PPP2R3C: variants seen among roughly 807,000 people sequenced by gnomAD.
PPP2R3C encodes protein phosphatase 2 regulatory subunit B''gamma.
In PPP2R3C, 47 loss-of-function variants were observed where a neutral mutation model predicts 63.7. That is an observed-to-expected ratio of 0.74 (90% CI 0.58 to 0.94). The LOEUF is 0.94. Among genes scored for constraint, PPP2R3C ranks in the 40% least tolerant of loss-of-function variants. The pLI is 0.00. For synonymous variants in PPP2R3C, 180 were observed against 177.4 expected, an observed-to-expected ratio of 1.01 and a Z score of -0.12; for missense variants, 421 against 518.4, an observed-to-expected ratio of 0.81 and a Z score of 1.82.
At chr14:35,116,508 G>T in intron 2 of PPP2R3C, 102 bp downstream of exon 2, 2 of 878,690 alleles carry the variant, frequency 2.3e-6, no homozygotes, top group Non-Finnish European at 3.2e-6. Flanking sequence ...TCCCGCCTCA[G>T]CCTCCCAAAG....
Position 35,085,721 on chromosome 14 carries a change from A to G in PPP2R3C, c.1231T>C (p.Leu411=). ...GTGTCTCCTTGATTACTGTTGATTAAATCCTGAAGAGAGATTTTCAAAGGA... is the reference window on the plus strand; with the variant it reads ...GTGTCTCCTTGATTACTGTTGATTAGATCCTGAAGAGAGATTTTCAAAGGA... ...KDPLKISLQD[L]INSNQGDTVT... is the part of the protein sequence containing the mutation. The change falls in exon 13 of 13, where the codon TTA becomes CTA. Residue 411 remains leucine, a synonymous_variant. Transcript: ENST00000261475. 1.2e-6 allele frequency: 2 copies of G among 1,612,484 alleles called. No homozygotes were observed. Among genetic ancestry groups the G allele is most frequent in the Non-Finnish European group, 1.7e-6 (2 of 1,178,688 alleles).
At chr14:35,098,647 C>G (rs1314429857) in intron 7 of PPP2R3C, 1 of 152,222 alleles carries the variant, frequency 6.6e-6, no homozygotes, top group Admixed American at 6.6e-5. Flanking sequence ...CTGTGCCAGG[C>G]CCATAGCTGA....
At chr14:35,090,966 C>G in intron 11 of PPP2R3C, 104 bp downstream of exon 11, 1 of 1,065,624 alleles carries the variant, frequency 9.4e-7, no homozygotes, top group Non-Finnish European at 1.3e-6. Flanking sequence ...CCACCTGCCT[C>G]GGCCTCCCAA....
Position 35,109,905 on chromosome 14 carries a change from G to T in PPP2R3C, c.318C>A (p.His106Gln). Residue 106 changes from histidine to glutamine, a missense_variant, in exon 4 of 13, where the codon CAC becomes CAA. His to Gln is a conservative substitution (Grantham distance 24). This residue lies in a region of PPP2R3C where 143 missense variants were observed against 151.2 expected (regional missense o/e 0.95). Coordinates refer to ENST00000261475, the MANE Select transcript of PPP2R3C (RefSeq NM_017917.4). ...CCTCTCCAATCATAGGTGGTGTCTG[G>T]TGTTTGTCCAGCAAAAACCATAAGT... ...LQNLWFLLDK[H>Q]QTPPMIGEEA... The T allele has an allele frequency of 1.9e-6, 3 of 1,608,828 alleles. No individual in the cohort carries two copies. The highest frequency in any genetic ancestry group is 2.5e-6 in the Non-Finnish European group (3 of 1,176,650).
chr14:35,089,815 G>C (rs541436979), intron 11 of PPP2R3C, among the ~76,000 whole-genome samples: 2 of 150,500 alleles, frequency 1.3e-5, no homozygotes, highest in Non-Finnish European at 2.9e-5. Flanking sequence ...ATAGGCGCCC[G>C]CCACCACGCC....
Position 35,085,603 on chromosome 14 carries a change from A to G in PPP2R3C, c.1349T>C (p.Leu450Pro). The change falls in exon 13 of 13, where the codon CTT becomes CCT. Residue 450 changes from leucine (L) to proline (P), a missense_variant. Transcript: ENST00000261475. The part of the protein sequence containing the change: ...VANDSENSAD[L>P]DDT ...GTCTTTCAGAGATCATGTATCATCA[A>G]GGTCTGCAGAGTTTTCACTGTCATT... 1.2e-6 allele frequency: 2 copies of G among 1,607,102 alleles called. No individual in the cohort carries two copies. Among genetic ancestry groups the G allele is most frequent in the South Asian group, 1.1e-5 (1 of 89,502 alleles).
At position 35,095,851 on chromosome 14, in the gene PPP2R3C, C is replaced by CAAA. The variant is rs59775301; in HGVS notation, c.839-670_839-668dup. On this transcript the variant is annotated intron_variant, in intron 9 of 12. Coordinates refer to ENST00000261475, the MANE Select transcript of PPP2R3C (RefSeq NM_017917.4). ...AGGTAACAGTGCAAGACTCTATCTCCAAAAAAAAAAAAAAAAAAAAAAGCC... is the reference window on the plus strand; with the variant it reads ...AGGTAACAGTGCAAGACTCTATCTCCAAAAAAAAAAAAAAAAAAAAAAAAAGCC... Among the ~76,000 whole-genome samples the CAAA allele has an allele frequency of 6.9e-3, 280 of 40,726 alleles. 1 individual carries two copies. The highest frequency in any genetic ancestry group is 0.016 in the Middle Eastern group (1 of 64). The allele number at this position is 40,726 out of a possible 152,430, so 26.7% of individuals were successfully genotyped here. A position where few individuals can be genotyped will look rare whatever the true frequency, so the allele number is the denominator to read the frequency against.
At position 35,085,595 on chromosome 14, in the gene PPP2R3C, TATC is replaced by T. The variant is rs1243235861; in HGVS notation, c.1354_1356del (p.Asp452del). On this transcript the variant is annotated inframe_deletion, in exon 13 of 13. Coordinates refer to ENST00000261475, the MANE Select transcript of PPP2R3C (RefSeq NM_017917.4). Reference sequence around the variant, plus strand: ...ACAGTCTAGTCTTTCAGAGATCATGTATCATCAAGGTCTGCAGAGTTTTCACTG... The same window carrying T: ...ACAGTCTAGTCTTTCAGAGATCATGTATCAAGGTCTGCAGAGTTTTCACTG... 6 of 1,603,790 alleles carry T rather than the reference TATC, an allele frequency of 3.7e-6. No homozygotes were observed. Among genetic ancestry groups the T allele is most frequent in the Non-Finnish European group, 3.4e-6 (4 of 1,176,148 alleles).
At chr14:35,096,837 T>C in intron 7 of PPP2R3C, 73 bp from the exon 8 acceptor site, 1 of 1,360,216 alleles carries the variant, frequency 7.4e-7, no homozygotes, top group Non-Finnish European at 9.9e-7. Flanking sequence ...AAAAAAAATT[T>C]TTTTAACAAG....
chr14:35,115,853 C>G (rs2046695427), intron 2 of PPP2R3C, among the ~76,000 whole-genome samples: 1 of 152,160 alleles, frequency 6.6e-6, no homozygotes, highest in African/African-American at 2.4e-5. Flanking sequence ...AACTCCTGAC[C>G]TCATGATCCA....
At position 35,088,088 on chromosome 14, in the gene PPP2R3C, A is replaced by AAG. The variant is rs1366584003; in HGVS notation, c.1114-79_1114-78insCT. 9.1e-6 allele frequency: 9 copies of AAG among 986,048 alleles called. No homozygotes were observed. The African/African-American group carries it at 9.7e-5, about 11-fold the overall frequency. 61.1% of individuals were successfully genotyped at this position (986,048 alleles called of 1,614,324 possible). A position where few individuals can be genotyped will look rare whatever the true frequency, so the allele number is the denominator to read the frequency against. The stretch of plus-strand genomic sequence containing the variant: ...CTCTTTTGCCCTACAACCCCTTTCT[A>AAG]CTTATACTTCCTTTCCTATCAGGCC... On this transcript the variant is annotated intron_variant, in intron 11 of 12. Transcript: ENST00000261475.
At chr14:35,089,729 A>T (rs1343583477) in intron 11 of PPP2R3C, among the ~76,000 whole-genome samples, 1 of 152,010 alleles carries the variant, frequency 6.6e-6, no homozygotes, top group East Asian at 1.9e-4. Context: ...GCAGTGGCGC[A>T]ATCTCGGCTC....
In PPP2R3C at chr14:35,094,493, A is replaced by C. The variant is rs1003299153; in HGVS notation, c.975+555T>G. ...CTCAGCTTTTTTTTAAAAAAAAAAA[A>C]AAACTAGAATGCACTACTGTACAGT... On this transcript the variant is annotated intron_variant, in intron 10 of 12. Coordinates refer to ENST00000261475, the MANE Select transcript of PPP2R3C (RefSeq NM_017917.4). 5.9e-5 allele frequency among the ~76,000 whole-genome samples: 9 copies of C among 151,986 alleles called. No homozygotes were observed. In the East Asian group the frequency reaches 7.7e-4, roughly 13 times the overall value.
chr14:35,122,195 TCTC>T (rs2046931506), upstream of PPP2R3C: 1 of 543,128 alleles, frequency 1.8e-6, no homozygotes, highest in Non-Finnish European at 3.3e-6. Context: ...GGAAAATGGT[TCTC>T]CTTCAGAGGC....
rs199881823 is a variant in PPP2R3C, at chr14:35,095,011, A to T, written c.975+37T>A. ...GGGTTTGTGGAAACTCTGGGAGCCT[A>T]AACTTTTAAAACTTAGCAGCAGATT... is the stretch of plus-strand genomic sequence containing the variant. On this transcript the variant is annotated intron_variant, in intron 10 of 12. Transcript: ENST00000261475. 3.6e-5 allele frequency: 56 copies of T among 1,571,964 alleles called. No homozygotes were observed. The East Asian group carries it at 1.2e-3, about 35-fold the overall frequency.
intron 1 of PPP2R3C, 28 bp from the exon 2 acceptor site, chr14:35,116,765 A>G (rs1368501880): frequency 7.9e-6 from 12 of 1,524,078 alleles, no homozygotes; most frequent in Middle Eastern, 2.3e-4. Flanking sequence ...TAAGGGGAGC[A>G]CTTTTAAAAT....
At chr14:35,107,443 G>C (rs1182934015) in intron 5 of PPP2R3C, 69 bp from the exon 6 acceptor site, 1 of 1,289,008 alleles carries the variant, frequency 7.8e-7, no homozygotes, top group East Asian at 2.3e-5. Flanking sequence ...AGGAGATAAA[G>C]AGCCAGATTT....
chr14:35,096,707 A>G lies in PPP2R3C; in HGVS notation c.762+2T>C. The G allele has an allele frequency of 2.5e-6, 4 of 1,603,988 alleles. No individual in the cohort carries two copies. Among genetic ancestry groups the G allele is most frequent in the Non-Finnish European group, 3.4e-6 (4 of 1,175,290 alleles). On this transcript the variant is annotated splice_donor_variant, in intron 8 of 12. Coordinates refer to ENST00000261475, the MANE Select transcript of PPP2R3C (RefSeq NM_017917.4). LOFTEE classifies it high-confidence loss of function. ...ACAATTAAGTAGTTTAAAAACATTT[A>G]CCTCCAATAAATCATCTAGGAAGCT...
Position 35,110,603 on chromosome 14 carries a change from T to C in PPP2R3C, c.213A>G (p.Leu71=), listed in dbSNP as rs1353583251. Residue 71 remains leucine (L), a synonymous_variant, in exon 3 of 13, where the codon CTA becomes CTG. Coordinates refer to ENST00000261475, the MANE Select transcript of PPP2R3C (RefSeq NM_017917.4). ...YRLPAEDEVL[L]QKLREESRAV... is the part of the protein sequence containing the mutation. ...CTCTTGATTCCTCTCTTAATTTCTGTAGTAAGACTTCATCTTCAGCAGGCA... is the reference window on the plus strand; with the variant it reads ...CTCTTGATTCCTCTCTTAATTTCTGCAGTAAGACTTCATCTTCAGCAGGCA... The C allele has an allele frequency of 6.2e-6, 10 of 1,611,390 alleles. No homozygotes were observed. The highest frequency in any genetic ancestry group is 1.3e-5 in the African/African-American group (1 of 74,984).
Sources: gnomAD v4.1 joint callset for allele counts (sites outside exome capture counted in the v4.1 genomes callset) on GRCh38, gnomAD v4.1.1 for gene constraint, gnomAD v4.1.1 regional missense constraint, MANE v1.5 for transcripts, NCBI Gene and HGNC (gene_info 2026-07-23, HGNC 2026-07-21) for gene names.